The following ZNF644 variants were observed in gnomAD, a reference collection of about 807,000 sequenced individuals.
ZNF644 encodes zinc finger protein 644.
A neutral mutation model predicts 108.0 loss-of-function variants in ZNF644; 20 were observed. The ratio of observed to expected loss-of-function variants is 0.19; its 90% CI spans 0.13 to 0.27. The LOEUF (loss-of-function observed/expected upper bound fraction) is 0.27. Among genes scored for constraint, ZNF644 ranks in the 10% least tolerant of loss-of-function variants. The pLI is 1.00. For synonymous variants in ZNF644, 542 were observed against 539.1 expected, an observed-to-expected ratio of 1.01 and a Z score of -0.08; for missense variants, 1,338 against 1,548.9, an observed-to-expected ratio of 0.86 and a Z score of 2.29.
At position 90,937,717 on chromosome 1, in the gene ZNF644, T is replaced by C. The variant is rs369549982; in HGVS notation, c.3456A>G (p.Glu1152=). The change falls in exon 4 of 6, where the codon GAA becomes GAG. Residue 1152 remains glutamate, a synonymous_variant. Transcript: ENST00000337393. The stretch of plus-strand genomic sequence containing the variant: ...GCAGTTCTGGTTTTGTTTCATCATA[T>C]TCATTTAAGAAATTCAGCCCTTCTT... The part of the protein sequence containing the change: ...SEEEGLNFLN[E]YDETKPELPS... The C allele has an allele frequency of 5.0e-6, 8 of 1,613,814 alleles. No homozygotes were observed. The highest frequency in any genetic ancestry group is 6.8e-6 in the Non-Finnish European group (8 of 1,179,892).
chr1:90,931,013 A>G (rs1315449522), intron 4 of ZNF644, among the ~76,000 whole-genome samples: 1 of 152,124 alleles, frequency 6.6e-6, no homozygotes, highest in African/African-American at 2.4e-5. Flanking sequence ...TGCTTTAGCA[A>G]TTTTAATAAC....
At position 90,982,381 on chromosome 1, in the gene ZNF644, T is replaced by C. The variant is rs1656639057; in HGVS notation, c.-17-11A>G. The C allele has an allele frequency of 2.5e-6, 4 of 1,601,884 alleles. No individual in the cohort carries two copies. Among genetic ancestry groups the C allele is most frequent in the Non-Finnish European group, 3.4e-6 (4 of 1,172,060 alleles). ...AAAATTAAATCAAACCTGAAAGAAA[T>C]ACACACAATGACCAAGGTTTAATTT... On this transcript the variant is annotated splice_polypyrimidine_tract_variant and intron_variant, in intron 1 of 5. Coordinates refer to ENST00000337393, the MANE Select transcript of ZNF644 (RefSeq NM_201269.3).
chr1:90,983,702 A>G (rs1407643157), intron 1 of ZNF644, among the ~76,000 whole-genome samples: 3 of 152,084 alleles, frequency 2.0e-5, no homozygotes, highest in Non-Finnish European at 2.9e-5. Context: ...CAAGGTGGGC[A>G]GATCACCTGA....
At chr1:90,925,082 G>C (rs1294902161) in intron 4 of ZNF644, among the ~76,000 whole-genome samples, 1 of 152,136 alleles carries the variant, frequency 6.6e-6, no homozygotes, top group Non-Finnish European at 1.5e-5. Context: ...CCGCATTCAA[G>C]AAATTCATGT....
intron 2 of ZNF644, among the ~76,000 whole-genome samples, chr1:90,959,108 C>G (rs1386365473): frequency 6.6e-6 from 1 of 152,032 alleles, no homozygotes; most frequent in Admixed American, 6.6e-5. Context: ...AGGACGTGAA[C>G]AGATATTTCT....
At position 90,938,143 on chromosome 1, in the gene ZNF644, C is replaced by A; in HGVS notation, c.3083-53G>T. On this transcript the variant is annotated intron_variant, in intron 3 of 5. Transcript: ENST00000337393. The surrounding 1 kb of genome is among the most constrained non-coding windows in gnomAD (Gnocchi z 4.2). Reference sequence around the variant, plus strand: ...CAGACTTTCTTATATAAACTGACCACCCTAAAATGAGTTAATTCTGAAACA... The same window carrying A: ...CAGACTTTCTTATATAAACTGACCAACCTAAAATGAGTTAATTCTGAAACA... The A allele has an allele frequency of 1.9e-6, 3 of 1,606,494 alleles. No homozygotes were observed. Among genetic ancestry groups the A allele is most frequent in the East Asian group, 2.2e-5 (1 of 44,692 alleles).
At chr1:90,988,190 T>C (rs1657297681) in intron 1 of ZNF644, among the ~76,000 whole-genome samples, 1 of 152,136 alleles carries the variant, frequency 6.6e-6, no homozygotes, top group Non-Finnish European at 1.5e-5. Flanking sequence ...GAAGTAATCA[T>C]TTCAGCAAAG....
At chr1:90,983,335 G>C (rs1432171115) in intron 1 of ZNF644, among the ~76,000 whole-genome samples, 2 of 151,956 alleles carry the variant, frequency 1.3e-5, no homozygotes, top group Non-Finnish European at 2.9e-5. Flanking sequence ...AGTGGACATG[G>C]GGGCCTGTTA....
At chr1:91,018,322 ACAC>A (rs1214367229) in intron 1 of ZNF644, among the ~76,000 whole-genome samples, 5 of 152,154 alleles carry the variant, frequency 3.3e-5, no homozygotes, top group Admixed American at 1.3e-4. Flanking sequence ...TGAATCAAAA[ACAC>A]CACTTCTAGA....
chr1:90,989,526 T>G (rs951482008), intron 1 of ZNF644, among the ~76,000 whole-genome samples: 2 of 152,010 alleles, frequency 1.3e-5, no homozygotes, highest in African/African-American at 2.4e-5. Context: ...CTGGGCAATA[T>G]AGCAAGACCC....
intron 4 of ZNF644, among the ~76,000 whole-genome samples, chr1:90,920,777 T>G (rs1428667709): frequency 2.6e-5 from 4 of 152,056 alleles, no homozygotes; most frequent in Non-Finnish European, 5.9e-5. Context: ...CAGAATCTCA[T>G]GCACTGAGAA....
intron 4 of ZNF644, among the ~76,000 whole-genome samples, chr1:90,927,947 G>A (rs897700846): frequency 4.0e-5 from 6 of 150,448 alleles, no homozygotes; most frequent in South Asian, 2.1e-4. Context: ...AGGTTTAAGC[G>A]ATTCTCCTGC....
In ZNF644 at chr1:91,007,220, A is replaced by ATTTTTTTTTTTTT. The variant is rs1557658483; in HGVS notation, c.-18+14769_-18+14770insAAAAAAAAAAAAA. ...TTCTTAATTTCTTCCATTTTCTCCC[A>ATTTTTTTTTTTTT]TTTTGTTTTTTTTTTTTTTTTTTTT... On this transcript the variant is annotated intron_variant, in intron 1 of 5. Coordinates refer to ENST00000337393, the MANE Select transcript of ZNF644 (RefSeq NM_201269.3). Among the ~76,000 whole-genome samples, 5 of 30,274 alleles carry ATTTTTTTTTTTTT rather than the reference A, an allele frequency of 1.7e-4. 1 individual carries two copies. The highest frequency in any genetic ancestry group is 3.3e-4 in the Non-Finnish European group (5 of 15,280). The allele number at this position is 30,274 out of a possible 152,430, so 19.9% of individuals were successfully genotyped here.
rs557625946 is a variant in ZNF644 at position 90,985,053 on chromosome 1, G to C, written c.-17-2683C>G. Reference sequence around the variant, plus strand: ...CACACACATACAAACTTTGACTTAAGCTGTTTAATTTTACCTTGCTTTGCT... The same window carrying C: ...CACACACATACAAACTTTGACTTAACCTGTTTAATTTTACCTTGCTTTGCT... On this transcript the variant is annotated intron_variant, in intron 1 of 5. Coordinates refer to ENST00000337393, the MANE Select transcript of ZNF644 (RefSeq NM_201269.3). 2.0e-5 allele frequency among the ~76,000 whole-genome samples: 3 copies of C among 152,096 alleles called. No homozygotes were observed. In the East Asian group the frequency reaches 5.8e-4, roughly 29 times the overall value.
rs116558542 is a variant in ZNF644 at position 90,969,418 on chromosome 1, C to T, written c.44+12892G>A. ...CCAGTCTGTGGTACAATAGTCACCC[C>T]TCATCTGCAGTTTCGCTTTCTGAGG... On this transcript the variant is annotated intron_variant, in intron 2 of 5. Coordinates refer to ENST00000337393, the MANE Select transcript of ZNF644 (RefSeq NM_201269.3). 4.9e-3 allele frequency among the ~76,000 whole-genome samples: 745 copies of T among 152,270 alleles called. 8 individuals are homozygous for T. Among genetic ancestry groups the T allele is most frequent in the African/African-American group, 0.017 (693 of 41,550 alleles).
intron 4 of ZNF644, among the ~76,000 whole-genome samples, chr1:90,920,927 G>A (rs1649357630): frequency 6.6e-6 from 1 of 152,046 alleles, no homozygotes; most frequent in South Asian, 2.1e-4. Context: ...TTGAGCAGGT[G>A]AAACATGAAC....
At chr1:90,995,098 A>G (rs1658026838) in intron 1 of ZNF644, among the ~76,000 whole-genome samples, 1 of 152,240 alleles carries the variant, frequency 6.6e-6, no homozygotes, top group Admixed American at 6.5e-5. Context: ...AGGAAAAAAG[A>G]AAAGTAAATC....
At chr1:90,946,842 TC>T (rs1471482807) in intron 2 of ZNF644, among the ~76,000 whole-genome samples, 1 of 152,124 alleles carries the variant, frequency 6.6e-6, no homozygotes, top group Non-Finnish European at 1.5e-5. Context: ...AACAGCTTGT[TC>T]CTGATGCCAT....
intron 2 of ZNF644, among the ~76,000 whole-genome samples, chr1:90,942,769 CCTG>C (rs1570392213): frequency 6.6e-6 from 1 of 152,160 alleles, no homozygotes; most frequent in Admixed American, 6.6e-5. Context: ...ATTTAAAGAA[CCTG>C]CTATTTGGCA....
Sources: gnomAD v4.1 joint callset for allele counts (sites outside exome capture counted in the v4.1 genomes callset) on GRCh38, gnomAD v4.1.1 for gene constraint, Gnocchi (gnomAD v3.1) non-coding constraint, MANE v1.5 for transcripts, NCBI Gene and HGNC (gene_info 2026-07-23, HGNC 2026-07-21) for gene names.